The following EPHX2 variants were observed in gnomAD, a reference collection of about 807,000 sequenced individuals.
EPHX2 encodes bifunctional epoxide hydrolase 2.
EPHX2 carries 74 observed loss-of-function variants against 78.7 expected under a neutral mutation model. The ratio of observed to expected loss-of-function variants is 0.94; its 90% CI spans 0.78 to 1.14. The LOEUF is 1.14. EPHX2 is among the 50% of genes most tolerant of loss of function. The probability of loss-of-function intolerance (pLI) is 0.00; values close to 1 mark genes in which losing one functional copy is unlikely to be tolerated. For missense variants in EPHX2, 715 were observed against 702.5 expected (o/e 1.02, Z -0.20); for synonymous variants, 251 against 255.2 (o/e 0.98, Z 0.16).
chr8:27,501,378 CTT>C (rs369123000), intron 2 of EPHX2, among the ~76,000 whole-genome samples: 32 of 111,350 alleles, frequency 2.9e-4, no homozygotes, highest in Non-Finnish European at 4.1e-4. Context: ...TCTTCTTCTT[CTT>C]CTTCTTCTTC....
intron 11 of EPHX2, 89 bp downstream of exon 11, chr8:27,522,597 C>T (rs562431357): frequency 2.1e-4 from 286 of 1,369,436 alleles, no homozygotes; most frequent in Non-Finnish European, 2.5e-4. Flanking sequence ...GCCCAGAAAA[C>T]TTCTCAAAAA....
intron 5 of EPHX2, among the ~76,000 whole-genome samples, chr8:27,510,302 A>C (rs1585196251): frequency 6.6e-6 from 1 of 152,366 alleles, no homozygotes; most frequent in Middle Eastern, 3.4e-3. Flanking sequence ...GAGTTCAGGC[A>C]TAAGGCTATA....
At position 27,516,323 on chromosome 8, in the gene EPHX2, C is replaced by G; in HGVS notation, c.835C>G (p.Pro279Ala). 1.9e-6 allele frequency: 3 copies of G among 1,613,760 alleles called. No homozygotes were observed. The highest frequency in any genetic ancestry group is 2.5e-6 in the Non-Finnish European group (3 of 1,179,826). The change falls in exon 8 of 19, where the codon CCT becomes GCT. Residue 279 changes from proline (P) to alanine (A), a missense_variant. By Grantham distance (27) the Pro-to-Ala change is conservative. Coordinates refer to ENST00000521400, the MANE Select transcript of EPHX2 (RefSeq NM_001979.6). ...AGTGTGCCTGTTTGTTTTCTAGATC[C>G]CTGCTCTGGCCCAGGCAGGTTACCG... ...ESWYSWRYQIPALAQAGYRVL... is the reference protein window; with the variant it reads ...ESWYSWRYQIAALAQAGYRVL...
chr8:27,511,787 C>T (rs148239756), intron 5 of EPHX2, 49 bp from the exon 6 acceptor site: 155 of 1,585,840 alleles, frequency 9.8e-5, no homozygotes, highest in Middle Eastern at 1.7e-4. Context: ...GAGCCTCTCA[C>T]GGAAGGAGGC....
In EPHX2 at chr8:27,543,811, C is replaced by G. The variant is rs762648179; in HGVS notation, c.1512C>G (p.Ser504=). The G allele has an allele frequency of 1.9e-6, 3 of 1,614,100 alleles. No individual in the cohort carries two copies. In the Admixed American group the frequency reaches 5.0e-5, roughly 27 times the overall value. ...EKDFVLVPQM[S]QHMEDWIPHL... is the part of the protein sequence containing the mutation. ...ACTTCGTGCTCGTTCCTCAGATGTC[C>G]CAGCACATGGAGGACTGGGTGAGGG... The change falls in exon 17 of 19, where the codon TCC becomes TCG. Residue 504 remains serine, a synonymous_variant. Coordinates refer to ENST00000521400, the MANE Select transcript of EPHX2 (RefSeq NM_001979.6).
intron 1 of EPHX2, among the ~76,000 whole-genome samples, chr8:27,492,380 A>G (rs1358369251): frequency 4.6e-5 from 7 of 152,208 alleles, no homozygotes; most frequent in African/African-American, 1.4e-4. Flanking sequence ...ACATTAGTGC[A>G]TGCATGTAGC....
At chr8:27,538,616 C>T (rs1815287260) in intron 13 of EPHX2, 43 bp from the exon 14 acceptor site, 3 of 1,566,140 alleles carry the variant, frequency 1.9e-6, no homozygotes, top group African/African-American at 1.4e-5. Context: ...TCCTTTGTAT[C>T]ACCCATGACA....
At position 27,543,011 on chromosome 8, in the gene EPHX2, C is replaced by A. The variant is rs1012238347; in HGVS notation, c.1450-738C>A. ...CCTCCTCCCATCCCATCCTCTCCCC[C>A]CCCCGCCCCCCGCCCAGTTCACATT... is the stretch of plus-strand genomic sequence containing the variant. On this transcript the variant is annotated intron_variant, in intron 16 of 18. Coordinates refer to ENST00000521400, the MANE Select transcript of EPHX2 (RefSeq NM_001979.6). Among the ~76,000 whole-genome samples, 89 of 136,166 alleles carry A rather than the reference C, an allele frequency of 6.5e-4. 1 individual carries two copies. Among genetic ancestry groups the A allele is most frequent in the Non-Finnish European group, 3.7e-4 (23 of 62,404 alleles). 89.3% of individuals were successfully genotyped at this position (136,166 alleles called of 152,430 possible).
At chr8:27,503,299 G>A (rs1200934965) in intron 2 of EPHX2, among the ~76,000 whole-genome samples, 1 of 152,204 alleles carries the variant, frequency 6.6e-6, no homozygotes, top group Non-Finnish European at 1.5e-5. Context: ...TATAGCAGCT[G>A]AGATGGGCTA....
chr8:27,491,259 A>T lies in EPHX2; in HGVS notation c.51A>T (p.Pro17=). 1 of 1,583,676 alleles carries T rather than the reference A, an allele frequency of 6.3e-7. No homozygotes were observed. The highest frequency in any genetic ancestry group is 1.1e-5 in the South Asian group (1 of 89,140). ...ACCTTGACGGGGTGCTGGCGCTGCC[A>T]GCGGTGTTCGGCGTCCTCGGCCGCA... ...VFDLDGVLAL[P]AVFGVLGRTE... The change falls in exon 1 of 19, where the codon CCA becomes CCT. Residue 17 remains proline (P), a synonymous_variant. Coordinates refer to ENST00000521400, the MANE Select transcript of EPHX2 (RefSeq NM_001979.6).
At chr8:27,515,862 T>A (rs1187544618) in intron 7 of EPHX2, 49 bp downstream of exon 7, 10 of 1,525,068 alleles carry the variant, frequency 6.6e-6, no homozygotes, top group Non-Finnish European at 9.1e-6. Context: ...GTTGGGGGAG[T>A]CTAGATGGTG....
chr8:27,501,385 TTC>T (rs1491289641), intron 2 of EPHX2, among the ~76,000 whole-genome samples: 380 of 87,978 alleles, frequency 4.3e-3, no homozygotes, highest in Non-Finnish European at 5.8e-3. Flanking sequence ...CTTCTTCTTC[TTC>T]TTCTTCTTTC....
rs566430570 is a variant in EPHX2 at position 27,527,302 on chromosome 8, G to A, written c.1170+1829G>A. Among the ~76,000 whole-genome samples the A allele has an allele frequency of 2.6e-5, 4 of 152,290 alleles. No homozygotes were observed. The East Asian group carries it at 7.7e-4, about 29-fold the overall frequency. On this transcript the variant is annotated intron_variant, in intron 12 of 18. Coordinates refer to ENST00000521400, the MANE Select transcript of EPHX2 (RefSeq NM_001979.6). ...TGGTTTCAAACTCCTGGGCTCAGGT[G>A]ATCCACATGCCTCGGCCTCCCAAAG...
chr8:27,495,071 G>A (rs898657279), intron 1 of EPHX2, among the ~76,000 whole-genome samples: 1 of 152,190 alleles, frequency 6.6e-6, no homozygotes, highest in African/African-American at 2.4e-5. Context: ...TGATGGCTTT[G>A]GCAGTGTAAG....
intron 1 of EPHX2, among the ~76,000 whole-genome samples, chr8:27,492,641 T>G (rs909472237): frequency 1.3e-5 from 2 of 152,186 alleles, no homozygotes; most frequent in Admixed American, 6.5e-5. Context: ...CCCAGCAGGT[T>G]GCCGCTACTG....
At chr8:27,512,793 G>A (rs1051094725) in intron 6 of EPHX2, among the ~76,000 whole-genome samples, 2 of 152,214 alleles carry the variant, frequency 1.3e-5, no homozygotes, top group African/African-American at 4.8e-5. Context: ...CCTTGGACAA[G>A]CATCTTATCC....
chr8:27,530,067 CTT>C (rs34619047), intron 12 of EPHX2, among the ~76,000 whole-genome samples: 16 of 144,858 alleles, frequency 1.1e-4, no homozygotes, highest in African/African-American at 2.3e-4. Flanking sequence ...GTCTCTCTCT[CTT>C]TTTTTTTTTT....
intron 12 of EPHX2, among the ~76,000 whole-genome samples, chr8:27,536,018 C>T (rs1158802165): frequency 1.3e-5 from 2 of 152,158 alleles, no homozygotes; most frequent in Non-Finnish European, 2.9e-5. Context: ...GAATTCCCAC[C>T]ATACACAAGC....
intron 12 of EPHX2, among the ~76,000 whole-genome samples, chr8:27,529,348 G>T (rs576640392): frequency 1.3e-5 from 2 of 152,152 alleles, no homozygotes; most frequent in Non-Finnish European, 2.9e-5. Context: ...CAGTGGAATC[G>T]GCTGGGTCAT....
Sources: gnomAD v4.1 joint callset for allele counts (sites outside exome capture counted in the v4.1 genomes callset) on GRCh38, gnomAD v4.1.1 for gene constraint, MANE v1.5 for transcripts, NCBI Gene and HGNC (gene_info 2026-07-23, HGNC 2026-07-21) for gene names.